The following CSNK1D variants were observed in gnomAD, a reference collection of about 807,000 sequenced individuals.
CSNK1D encodes the protein casein kinase I isoform delta.
A neutral mutation model predicts 46.6 loss-of-function variants in CSNK1D; 16 were observed. That is an observed-to-expected ratio of 0.34 (90% CI 0.23 to 0.52). The LOEUF is 0.52. Among genes scored for constraint, CSNK1D ranks in the 20% least tolerant of loss-of-function variants. The probability of loss-of-function intolerance (pLI) is 0.95; values close to 1 mark genes in which losing one functional copy is unlikely to be tolerated. For missense variants in CSNK1D, 398 were observed against 578.4 expected, an observed-to-expected ratio of 0.69 and a Z score of 3.20; for synonymous variants, 276 against 228.2, an observed-to-expected ratio of 1.21 and a Z score of -1.89.
Position 82,249,479 on chromosome 17 carries a change from TC to T in CSNK1D, c.1008del (p.Thr337ArgfsTer33). On this transcript the variant is annotated frameshift_variant, in exon 7 of 9. Coordinates refer to ENST00000314028, the MANE Select transcript of CSNK1D (RefSeq NM_001893.6). LOFTEE classifies it high-confidence loss of function. This position sits in a 1 kb window ranked among gnomAD's most constrained non-coding sequence, Gnocchi z 6.7. ...GGTGTGGGGGGAGCCACTTCCTGCG[TC>T]CCCCGCAGGCGGCCGGAGGCTGTGG... Reference protein sequence around the residue: ...LPSTASGRLRGTQEVAPPTPL... With the variant: ...LPSTASGRLRXTQEVAPPTPL... The T allele has an allele frequency of 6.5e-7, 1 of 1,541,234 alleles. No homozygotes were observed.
intron 1 of CSNK1D, among the ~76,000 whole-genome samples, chr17:82,272,562 T>C (rs1190787189): frequency 6.6e-6 from 1 of 152,234 alleles, no homozygotes; most frequent in Non-Finnish European, 1.5e-5. Context: ...TAATCCTGTG[T>C]GACTTTCTCT....
At position 82,249,643 on chromosome 17, in the gene CSNK1D, G is replaced by A; in HGVS notation, c.886-41C>T. The A allele has an allele frequency of 6.5e-7, 1 of 1,549,018 alleles. No homozygotes were observed. The highest frequency in any genetic ancestry group is 8.7e-7 in the Non-Finnish European group (1 of 1,152,646). Reference sequence around the variant, plus strand: ...GTGAGGCCGGAATGGAACCAGCTTTGGCAGAAAGCAACCCTAGGTCCTAGG... The same window carrying A: ...GTGAGGCCGGAATGGAACCAGCTTTAGCAGAAAGCAACCCTAGGTCCTAGG... On this transcript the variant is annotated intron_variant, in intron 6 of 8. Transcript: ENST00000314028. This position sits in a 1 kb window ranked among gnomAD's most constrained non-coding sequence, Gnocchi z 6.7.
chr17:82,273,499 G>C lies in CSNK1D; in HGVS notation c.-118C>G. On this transcript the variant is annotated 5_prime_UTR_variant, in exon 1 of 9. Coordinates refer to ENST00000314028, the MANE Select transcript of CSNK1D (RefSeq NM_001893.6). The surrounding 1 kb of genome is among the most constrained non-coding windows in gnomAD (Gnocchi z 5.1). Reference sequence around the variant, plus strand: ...CGGCTCCCGGCTCCGCCCCCCTCACGGCCCCGCTTTCACCATCGCTTTCCT... The same window carrying C: ...CGGCTCCCGGCTCCGCCCCCCTCACCGCCCCGCTTTCACCATCGCTTTCCT... The C allele has an allele frequency of 8.0e-7, 1 of 1,256,846 alleles. No individual in the cohort carries two copies. The highest frequency in any genetic ancestry group is 1.1e-6 in the Non-Finnish European group (1 of 895,782). 77.9% of individuals were successfully genotyped at this position (1,256,846 alleles called of 1,614,324 possible).
intron 8 of CSNK1D, 111 bp from the exon 9 acceptor site, chr17:82,244,942 C>T: frequency 7.0e-7 from 1 of 1,435,322 alleles, no homozygotes; most frequent in Non-Finnish European, 9.7e-7. Flanking sequence ...CACCGCCTAG[C>T]CCCAGTCTAG....
At chr17:82,242,584 G>T (rs1247638807), downstream of CSNK1D, 10 of 926,120 alleles carry the variant, frequency 1.1e-5, no homozygotes, top group Non-Finnish European at 1.3e-5. Flanking sequence ...CCATCTCAAA[G>T]AAGTATTTTC....
In CSNK1D at chr17:82,252,585, G is replaced by A. The variant is rs2051041234; in HGVS notation, c.585C>T (p.Asp195=). ...TTAGCACGTAGCCCAGAGACTCCAA[G>A]TCATCTCTTCGGGATTGTTCTGAAA... ...HLGIEQSRRD[D]LESLGYVLMY... Residue 195 remains aspartate, a synonymous_variant, in exon 5 of 9, where the codon GAC becomes GAT. Coordinates refer to ENST00000314028, the MANE Select transcript of CSNK1D (RefSeq NM_001893.6). This position sits in a 1 kb window ranked among gnomAD's most constrained non-coding sequence, Gnocchi z 4.6. 1 of 1,613,820 alleles carries A rather than the reference G, an allele frequency of 6.2e-7. No individual in the cohort carries two copies. Among genetic ancestry groups the A allele is most frequent in the Non-Finnish European group, 8.5e-7 (1 of 1,180,036 alleles).
chr17:82,264,504 C>T (rs1401796200), intron 2 of CSNK1D, among the ~76,000 whole-genome samples: 1 of 152,206 alleles, frequency 6.6e-6, no homozygotes, highest in Non-Finnish European at 1.5e-5. Context: ...ACACCAGGTA[C>T]CTAAGGCCCT....
Position 82,248,974 on chromosome 17 carries a change from C to T in CSNK1D, c.1098G>A (p.Glu366=). ...SPRPVSGMER[E]RKVSMRLHRG... ...GGTGCAGCCGCATACTCACTTTCCG[C>T]TCTCTCTCCATGCCGGAGACGGGCC... The change falls in exon 8 of 9, where the codon GAG becomes GAA. Residue 366 remains glutamate, a synonymous_variant. Coordinates refer to ENST00000314028, the MANE Select transcript of CSNK1D (RefSeq NM_001893.6). This position sits in a 1 kb window ranked among gnomAD's most constrained non-coding sequence, Gnocchi z 4.1. The T allele has an allele frequency of 1.3e-6, 2 of 1,582,916 alleles. No individual in the cohort carries two copies. Among genetic ancestry groups the T allele is most frequent in the Non-Finnish European group, 1.7e-6 (2 of 1,163,264 alleles).
At chr17:82,247,478 CTT>C (rs2050880137) in intron 8 of CSNK1D, 2 of 985,530 alleles carry the variant, frequency 2.0e-6, no homozygotes, top group Non-Finnish European at 2.4e-6. Flanking sequence ...CTTCCCTAGT[CTT>C]TGTCAGCCAA....
chr17:82,264,876 C>A (rs1381005687), intron 2 of CSNK1D, among the ~76,000 whole-genome samples: 2 of 151,156 alleles, frequency 1.3e-5, no homozygotes, highest in Non-Finnish European at 2.9e-5. Flanking sequence ...GGGCTCACTG[C>A]AAGCTCTGCC....
chr17:82,266,083 C>G (rs2051460478), intron 1 of CSNK1D, among the ~76,000 whole-genome samples: 1 of 152,226 alleles, frequency 6.6e-6, no homozygotes, highest in Non-Finnish European at 1.5e-5. Flanking sequence ...TCCACAGTGG[C>G]CCTTCTGGTC....
chr17:82,243,798 G>A lies in CSNK1D; in HGVS notation c.*983C>T, dbSNP rs995822318. 1.4e-5 allele frequency: 14 copies of A among 985,480 alleles called. No individual in the cohort carries two copies. The Admixed American group carries it at 3.1e-4, about 22-fold the overall frequency. The allele number at this position is 985,480 out of a possible 1,614,324, so 61.0% of individuals were successfully genotyped here. ...GCTGAGAAAATGGACTGAGTGCAAAGGCAGCAAGGCAACAAACACTACAGT... is the reference window on the plus strand; with the variant it reads ...GCTGAGAAAATGGACTGAGTGCAAAAGCAGCAAGGCAACAAACACTACAGT... On this transcript the variant is annotated 3_prime_UTR_variant, in exon 9 of 9. Transcript: ENST00000314028.
In CSNK1D at chr17:82,251,014, T is replaced by A. The variant is rs2050993457; in HGVS notation, c.885+365A>T. On this transcript the variant is annotated intron_variant, in intron 6 of 8. Transcript: ENST00000314028. This position sits in a 1 kb window ranked among gnomAD's most constrained non-coding sequence, Gnocchi z 4.5. ...CCAGGCCCCAACCCCACTCATCTCG[T>A]GGGCACCACGACCATGTGGCACAGC... 2.9e-6 allele frequency: 1 copy of A among 345,514 alleles called. No homozygotes were observed. Among genetic ancestry groups the A allele is most frequent in the South Asian group, 2.4e-5 (1 of 42,314 alleles). 21.4% of individuals were successfully genotyped at this position (345,514 alleles called of 1,614,324 possible). A position where few individuals can be genotyped will look rare whatever the true frequency, so the allele number is the denominator to read the frequency against.
rs192163331 is a variant in CSNK1D, at chr17:82,247,501, G to A, written c.1197+1374C>T. 9.9e-4 allele frequency: 972 copies of A among 985,486 alleles called. 11 individuals are homozygous for A. The African/African-American group carries it at 0.016, about 16-fold the overall frequency. 61.0% of individuals were successfully genotyped at this position (985,486 alleles called of 1,614,324 possible). A position where few individuals can be genotyped will look rare whatever the true frequency, so the allele number is the denominator to read the frequency against. On this transcript the variant is annotated intron_variant, in intron 8 of 8. Coordinates refer to ENST00000314028, the MANE Select transcript of CSNK1D (RefSeq NM_001893.6). ...GTCTTTGTCAGCCAAGCGCTGGGGC[G>A]AGGCTGTCCAAGTCCGGTCAGCACC...
chr17:82,240,584 C>A (rs1378626870), downstream of CSNK1D, among the ~76,000 whole-genome samples: 1 of 152,188 alleles, frequency 6.6e-6, no homozygotes, highest in East Asian at 1.9e-4. Context: ...CGGGCCCTCA[C>A]CCTCCCCTAG....
At chr17:82,262,907 C>T (rs996327556) in intron 2 of CSNK1D, among the ~76,000 whole-genome samples, 3 of 152,228 alleles carry the variant, frequency 2.0e-5, no homozygotes, top group African/African-American at 7.2e-5. Context: ...CTGACGGGCG[C>T]GATGGCTCAC....
chr17:82,266,689 AAC>A (rs2051476628), intron 1 of CSNK1D: 1 of 152,664 alleles, frequency 6.6e-6, no homozygotes, highest in Non-Finnish European at 1.5e-5. Context: ...GCTTTAACCG[AAC>A]AGGAGAGAAA....
At position 82,243,317 on chromosome 17, in the gene CSNK1D, T is replaced by C; in HGVS notation, c.*1464A>G. The C allele has an allele frequency of 1.0e-6, 1 of 985,462 alleles. No homozygotes were observed. Among genetic ancestry groups the C allele is most frequent in the Admixed American group, 6.1e-5 (1 of 16,272 alleles). The allele number at this position is 985,462 out of a possible 1,614,324, so 61.0% of individuals were successfully genotyped here. ...TAGAGTCCAAAGGGAACATCGTCCA[T>C]CGTGATGGGGTCCAGCCGAAGTGCC... is the stretch of plus-strand genomic sequence containing the variant. On this transcript the variant is annotated 3_prime_UTR_variant, in exon 9 of 9. Coordinates refer to ENST00000314028, the MANE Select transcript of CSNK1D (RefSeq NM_001893.6).
chr17:82,270,040 C>T (rs1055257172), intron 1 of CSNK1D, among the ~76,000 whole-genome samples: 5 of 152,246 alleles, frequency 3.3e-5, no homozygotes, highest in African/African-American at 7.2e-5. Flanking sequence ...CCAAGGTGTG[C>T]GCTCCACAGG....
Sources: gnomAD v4.1 joint callset for allele counts (sites outside exome capture counted in the v4.1 genomes callset) on GRCh38, gnomAD v4.1.1 for gene constraint, Gnocchi (gnomAD v3.1) non-coding constraint, MANE v1.5 for transcripts, NCBI Gene and HGNC (gene_info 2026-07-23, HGNC 2026-07-21) for gene names.